WDPCP: variants seen among roughly 807,000 people sequenced by gnomAD.
The protein encoded by WDPCP is WD repeat-containing and planar cell polarity effector protein fritz homolog.
In WDPCP, 71 loss-of-function variants were observed where a neutral mutation model predicts 93.1. The observed-to-expected ratio is 0.76, with a 90% confidence interval of 0.63 to 0.93. The LOEUF is 0.93. WDPCP is among the 40% of genes least tolerant of loss of function. The probability of loss-of-function intolerance (pLI) is 0.00; values close to 1 mark genes in which losing one functional copy is unlikely to be tolerated. For synonymous variants in WDPCP, 315 were observed against 315.0 expected (o/e 1.00, Z 0.00); for missense variants, 844 against 887.4 (o/e 0.95, Z 0.62).
intron 14 of WDPCP, among the ~76,000 whole-genome samples, chr2:63,215,934 C>A (rs879631367): frequency 6.6e-6 from 1 of 152,188 alleles, no homozygotes; most frequent in Non-Finnish European, 1.5e-5. Context: ...GACATTTATG[C>A]AGCCAAAAGA....
intron 12 of WDPCP, among the ~76,000 whole-genome samples, chr2:63,376,167 G>T (rs1264346010): frequency 6.6e-6 from 1 of 151,752 alleles, no homozygotes; most frequent in Non-Finnish European, 1.5e-5. Flanking sequence ...CAAAACTTTT[G>T]TTTCTTTTTT....
At chr2:63,184,372 T>C (rs962039771) in intron 14 of WDPCP, among the ~76,000 whole-genome samples, 1 of 152,186 alleles carries the variant, frequency 6.6e-6, no homozygotes, top group Non-Finnish European at 1.5e-5. Flanking sequence ...TTTTGTTCCA[T>C]GTTTAGAACT....
upstream of WDPCP, among the ~76,000 whole-genome samples, chr2:63,828,093 A>G (rs1199341750): frequency 6.6e-6 from 1 of 152,044 alleles, no homozygotes; most frequent in Non-Finnish European, 1.5e-5. Context: ...TTATGTAACA[A>G]TTGAGAAATC....
chr2:63,328,782 A>T (rs944278901), intron 12 of WDPCP, among the ~76,000 whole-genome samples: 4 of 152,170 alleles, frequency 2.6e-5, no homozygotes, highest in African/African-American at 9.6e-5. Context: ...CCCAGGCTGG[A>T]GTACAGCAGT....
intron 17 of WDPCP, among the ~76,000 whole-genome samples, chr2:63,147,141 T>G (rs1671573719): frequency 6.6e-6 from 1 of 152,134 alleles, no homozygotes; most frequent in Non-Finnish European, 1.5e-5. Context: ...AAGCACAGGT[T>G]AGTTAATGGA....
intron 1 of WDPCP, among the ~76,000 whole-genome samples, chr2:63,565,063 A>T (rs901884428): frequency 1.3e-5 from 2 of 152,208 alleles, no homozygotes; most frequent in African/African-American, 4.8e-5. Flanking sequence ...GGCGTGAGTC[A>T]TGGCACCTGG....
chr2:63,121,868 CACTCA>C lies in WDPCP; in HGVS notation c.*133_*137del, dbSNP rs940558778. On this transcript the variant is annotated 3_prime_UTR_variant, in exon 18 of 18. Transcript: ENST00000272321. Reference sequence around the variant, plus strand: ...AATAAAACTTTATTTTGAAAACAAACACTCAACTCAAAACTCTTAACTAATTTATA... The same window carrying C: ...AATAAAACTTTATTTTGAAAACAAACACTCAAAACTCTTAACTAATTTATA... The C allele has an allele frequency of 1.5e-5, 22 of 1,457,386 alleles. No homozygotes were observed. The highest frequency in any genetic ancestry group is 8.5e-5 in the African/African-American group (6 of 70,336). The allele number at this position is 1,457,386 out of a possible 1,614,324, so 90.3% of individuals were successfully genotyped here.
intron 12 of WDPCP, among the ~76,000 whole-genome samples, chr2:63,323,912 G>C (rs1687320347): frequency 1.3e-5 from 2 of 152,074 alleles, no homozygotes; most frequent in South Asian, 4.2e-4. Context: ...GCAGGTTTGT[G>C]GGTGGGGGAG....
upstream of WDPCP, among the ~76,000 whole-genome samples, chr2:63,829,784 T>C (rs567540601): frequency 1.2e-3 from 177 of 152,242 alleles, 1 homozygote; most frequent in Non-Finnish European, 2.2e-3. Context: ...GTGCATTTTG[T>C]CTTAAATTTT....
chr2:63,536,772 G>GTTTT (rs1558773850), intron 1 of WDPCP, among the ~76,000 whole-genome samples: 3 of 35,480 alleles, frequency 8.5e-5, no homozygotes, highest in Admixed American at 3.3e-4. Flanking sequence ...GATTCTTCAT[G>GTTTT]CTTTTTTTTT....
chr2:63,729,724 T>A (rs998195935), intron 2 of WDPCP, among the ~76,000 whole-genome samples: 1 of 152,074 alleles, frequency 6.6e-6, no homozygotes, highest in African/African-American at 2.4e-5. Context: ...GGCTACTCTC[T>A]CCCCCAGACT....
Position 63,382,015 on chromosome 2 carries a change from T to C in WDPCP, c.1515A>G (p.Ile505Met). 6.2e-7 allele frequency: 1 copy of C among 1,613,508 alleles called. No individual in the cohort carries two copies. The highest frequency in any genetic ancestry group is 8.5e-7 in the Non-Finnish European group (1 of 1,179,734). ...YIHCDEIYEAINILSSMNWDT... is the reference protein window; with the variant it reads ...YIHCDEIYEAMNILSSMNWDT... ...CCCAGTTCATGCTGCTCAGGATGTT[T>C]ATTGCCTCATAGATCTCATCACAGT... Residue 505 changes from isoleucine to methionine, a missense_variant, in exon 11 of 18, where the codon ATA becomes ATG. By Grantham distance (10) the Ile-to-Met change is conservative. Transcript: ENST00000272321.
chr2:63,344,545 G>C (rs1016495034), intron 12 of WDPCP, among the ~76,000 whole-genome samples: 1 of 152,154 alleles, frequency 6.6e-6, no homozygotes, highest in Non-Finnish European at 1.5e-5. Context: ...TATGCAAGTA[G>C]CTATTCATGG....
At chr2:63,134,173 T>C (rs886918718) in intron 17 of WDPCP, among the ~76,000 whole-genome samples, 1 of 152,232 alleles carries the variant, frequency 6.6e-6, no homozygotes, top group African/African-American at 2.4e-5. Flanking sequence ...GTGAGAACTT[T>C]AGTGAAATTC....
At chr2:63,713,912 G>A (rs993251776) in intron 2 of WDPCP, among the ~76,000 whole-genome samples, 2 of 152,154 alleles carry the variant, frequency 1.3e-5, no homozygotes, top group Admixed American at 1.3e-4. Context: ...CGGCTAATTT[G>A]AGATTCCTTC....
At chr2:63,396,221 A>C (rs757685495) in intron 10 of WDPCP, among the ~76,000 whole-genome samples, 2 of 152,226 alleles carry the variant, frequency 1.3e-5, no homozygotes, top group Non-Finnish European at 2.9e-5. Flanking sequence ...ATTTTCAGCA[A>C]TAAATAACCT....
At chr2:63,684,336 T>A in intron 2 of WDPCP, 1 of 655,128 alleles carries the variant, frequency 1.5e-6, no homozygotes, top group East Asian at 3.1e-5. Context: ...TGGGAAGGTG[T>A]CGCTTGTCCT....
chr2:63,711,191 G>C (rs1669257424), intron 2 of WDPCP, among the ~76,000 whole-genome samples: 1 of 152,102 alleles, frequency 6.6e-6, no homozygotes, highest in African/African-American at 2.4e-5. Context: ...GGGCTTCAGT[G>C]GGTAGATATG....
chr2:63,502,000 T>C (rs960057142), intron 1 of WDPCP, among the ~76,000 whole-genome samples: 2 of 152,184 alleles, frequency 1.3e-5, no homozygotes, highest in African/African-American at 4.8e-5. Flanking sequence ...TACAGAAGTA[T>C]TTGATGTAAA....
Sources: allele counts gnomAD v4.1 joint callset (sites outside exome capture counted in the v4.1 genomes callset), GRCh38; gene constraint gnomAD v4.1.1; transcripts MANE v1.5; gene names NCBI Gene and HGNC (gene_info 2026-07-23, HGNC 2026-07-21).